The following PCGF5 variants were observed in gnomAD, a reference collection of about 807,000 sequenced individuals.
The protein encoded by PCGF5 is polycomb group RING finger protein 5.
Under a neutral mutation model 44.3 loss-of-function variants are expected in PCGF5, and 9 were observed. The ratio of observed to expected loss-of-function variants is 0.20; its 90% CI spans 0.12 to 0.35. PCGF5 has a LOEUF of 0.35. PCGF5 is among the 10% of genes least tolerant of loss of function. PCGF5 has a pLI of 1.00. For synonymous variants in PCGF5, 95 were observed against 102.5 expected, an observed-to-expected ratio of 0.93 and a Z score of 0.44; for missense variants, 146 against 305.3, an observed-to-expected ratio of 0.48 and a Z score of 3.89.
At position 91,283,372 on chromosome 10, in the gene PCGF5, A is replaced by G. The variant is rs979408432; in HGVS notation, c.*5056A>G. ...CCAAACTGAGACTGATTTTTCAGAG[A>G]TTTTTAACTTTAATAATTTTAAATC... On this transcript the variant is annotated 3_prime_UTR_variant, in exon 10 of 10. Transcript: ENST00000336126. 2 of 152,144 alleles carry G rather than the reference A, an allele frequency of 1.3e-5. No individual in the cohort carries two copies. The highest frequency in any genetic ancestry group is 2.9e-5 in the Non-Finnish European group (2 of 68,016). 9.4% of individuals were successfully genotyped at this position (152,144 alleles called of 1,614,324 possible). A position where few individuals can be genotyped will look rare whatever the true frequency, so the allele number is the denominator to read the frequency against.
intron 2 of PCGF5, 55 bp downstream of exon 2, chr10:91,223,038 C>A: frequency 8.5e-7 from 1 of 1,175,276 alleles, no homozygotes; most frequent in Non-Finnish European, 1.3e-6. Context: ...ACATTTTGTT[C>A]TTTTAAAATT....
chr10:91,261,242 A>G, intron 6 of PCGF5, 84 bp from the exon 7 acceptor site: 1 of 1,352,636 alleles, frequency 7.4e-7, no homozygotes, highest in East Asian at 2.7e-5. Flanking sequence ...TGATAGTGAA[A>G]CTGGTAGCTA....
chr10:91,198,902 A>G (rs998048490), intron 1 of PCGF5, among the ~76,000 whole-genome samples: 2 of 152,138 alleles, frequency 1.3e-5, no homozygotes, highest in Non-Finnish European at 2.9e-5. Context: ...TTGCCAGGCC[A>G]TTCTTGTTCT....
At chr10:91,173,879 C>T (rs1843657250) in intron 1 of PCGF5, among the ~76,000 whole-genome samples, 2 of 151,800 alleles carry the variant, frequency 1.3e-5, no homozygotes, top group African/African-American at 2.4e-5. Flanking sequence ...CAGAAAAGTC[C>T]TCATGCTTGA....
chr10:91,192,545 G>T (rs1844052257), intron 1 of PCGF5, among the ~76,000 whole-genome samples: 1 of 152,100 alleles, frequency 6.6e-6, no homozygotes, highest in South Asian at 2.1e-4. Context: ...TAACCCCATG[G>T]AAAGATAAGT....
chr10:91,250,898 A>T (rs1228492974), intron 5 of PCGF5, among the ~76,000 whole-genome samples: 1 of 122,946 alleles, frequency 8.1e-6, no homozygotes, highest in African/African-American at 4.2e-5. Context: ...ATTTGAATAT[A>T]TACTTATTTA....
chr10:91,272,263 CAA>C (rs1377739854), intron 9 of PCGF5, among the ~76,000 whole-genome samples: 1 of 152,166 alleles, frequency 6.6e-6, no homozygotes, highest in African/African-American at 2.4e-5. Context: ...GGGAAACAGA[CAA>C]GGGTATAGTA....
intron 1 of PCGF5, among the ~76,000 whole-genome samples, chr10:91,212,034 T>C (rs573195110): frequency 6.6e-6 from 1 of 152,352 alleles, no homozygotes; most frequent in African/African-American, 2.4e-5. Context: ...TTTCCTCATT[T>C]ATAAGATGAG....
At chr10:91,163,262 G>A (rs1843424814) in intron 1 of PCGF5, among the ~76,000 whole-genome samples, 1 of 150,660 alleles carries the variant, frequency 6.6e-6, no homozygotes, top group Non-Finnish European at 1.5e-5. Flanking sequence ...ACCTCGGTGC[G>A]GGCCGGTGGG....
intron 1 of PCGF5, among the ~76,000 whole-genome samples, chr10:91,221,540 A>G (rs1844679985): frequency 6.6e-6 from 1 of 152,220 alleles, no homozygotes; most frequent in African/African-American, 2.4e-5. Context: ...TTACACGTAG[A>G]GCCTATTCCC....
chr10:91,211,260 T>C (rs528544064), intron 1 of PCGF5, among the ~76,000 whole-genome samples: 1 of 152,322 alleles, frequency 6.6e-6, no homozygotes, highest in South Asian at 2.1e-4. Context: ...AAATGCATAC[T>C]TTGTTGATGT....
At chr10:91,164,959 CT>C (rs1843473219) in intron 1 of PCGF5, among the ~76,000 whole-genome samples, 1 of 152,222 alleles carries the variant, frequency 6.6e-6, no homozygotes, top group Non-Finnish European at 1.5e-5. Flanking sequence ...GTTTTGTTCG[CT>C]GCTATAACCC....
upstream of PCGF5, among the ~76,000 whole-genome samples, chr10:91,217,485 T>C (rs1172311343): frequency 1.3e-5 from 2 of 152,202 alleles, no homozygotes; most frequent in Non-Finnish European, 2.9e-5. Flanking sequence ...TACCCACCCA[T>C]TGCCCAGCCA....
chr10:91,177,678 G>A (rs138498467), intron 1 of PCGF5, among the ~76,000 whole-genome samples: 1 of 152,334 alleles, frequency 6.6e-6, no homozygotes, highest in East Asian at 1.9e-4. Flanking sequence ...AATGAGCGAG[G>A]CTCCATAGGC....
intron 1 of PCGF5, among the ~76,000 whole-genome samples, chr10:91,182,623 A>T (rs1055997935): frequency 3.3e-5 from 5 of 151,846 alleles, no homozygotes; most frequent in African/African-American, 1.2e-4. Flanking sequence ...CAGTTCTTTT[A>T]GTTGTGATGT....
intron 6 of PCGF5, among the ~76,000 whole-genome samples, chr10:91,255,419 CT>C (rs751072964): frequency 2.6e-5 from 4 of 152,040 alleles, no homozygotes. Context: ...GCCCTAAGCT[CT>C]CACCTCTGCC....
At chr10:91,168,624 G>T (rs1204033730) in intron 1 of PCGF5, among the ~76,000 whole-genome samples, 4 of 152,036 alleles carry the variant, frequency 2.6e-5, no homozygotes, top group Non-Finnish European at 4.4e-5. Context: ...AAGTGTCAAT[G>T]AAGCTTTCTT....
chr10:91,158,507 T>C (rs1843345594), upstream of PCGF5, among the ~76,000 whole-genome samples: 1 of 152,188 alleles, frequency 6.6e-6, no homozygotes, highest in South Asian at 2.1e-4. Context: ...TGGCTGCCTA[T>C]TATACTCCAG....
chr10:91,223,096 T>TCCTCAAAAAAA (rs2133282068), intron 2 of PCGF5, 113 bp downstream of exon 2: 2 of 688,036 alleles, frequency 2.9e-6, no homozygotes, highest in East Asian at 5.7e-5. Flanking sequence ...AAATGAGTAT[T>TCCTCAAAAAAA]CTAATAATTA....
Sources: gnomAD v4.1 joint callset for allele counts (sites outside exome capture counted in the v4.1 genomes callset) on GRCh38, gnomAD v4.1.1 for gene constraint, MANE v1.5 for transcripts, NCBI Gene and HGNC (gene_info 2026-07-23, HGNC 2026-07-21) for gene names.